Variants in ACO1 observed in about 807,000 individuals in gnomAD.
The protein encoded by ACO1 is cytoplasmic aconitate hydratase.
ACO1 carries 78 observed loss-of-function variants against 105.1 expected under a neutral mutation model. The ratio of observed to expected loss-of-function variants is 0.74; its 90% confidence interval spans 0.62 to 0.90. The LOEUF (loss-of-function observed/expected upper bound fraction) is 0.90, where lower values mean the gene tolerates loss of function less well. ACO1 is among the 40% of genes least tolerant of loss of function. The pLI is 0.00. For missense variants in ACO1, 965 were observed against 1,111.1 expected (o/e 0.87, Z 1.87); for synonymous variants, 364 against 397.4 (o/e 0.92, Z 1.00).
chr9:32,434,495 G>T lies in ACO1; in HGVS notation c.1957-64G>T. 1.9e-6 allele frequency: 3 copies of T among 1,600,524 alleles called. No homozygotes were observed. In the South Asian group the frequency reaches 3.3e-5, roughly 18 times the overall value. On this transcript the variant is annotated intron_variant, in intron 16 of 20. Transcript: ENST00000309951. Reference sequence around the variant, plus strand: ...CAGGTCCATGGGCCACCATCGTAGAGACTGATCTGGTAACTTGTTTGGGAA... The same window carrying T: ...CAGGTCCATGGGCCACCATCGTAGATACTGATCTGGTAACTTGTTTGGGAA...
At chr9:32,419,947 C>A (rs574843016) in intron 7 of ACO1, among the ~76,000 whole-genome samples, 2 of 152,304 alleles carry the variant, frequency 1.3e-5, no homozygotes, top group East Asian at 3.9e-4. Flanking sequence ...CATGGACATG[C>A]TATCGTTAAA....
At chr9:32,427,877 C>T (rs1463624135) in intron 12 of ACO1, among the ~76,000 whole-genome samples, 9 of 152,160 alleles carry the variant, frequency 5.9e-5, no homozygotes, top group Admixed American at 5.9e-4. Flanking sequence ...TTAAAACAAA[C>T]ATATTGTATA....
In ACO1 at chr9:32,384,755, G is replaced by C. The variant is rs1324836915; in HGVS notation, c.-23+20G>C. 1 of 378,678 alleles carries C rather than the reference G, an allele frequency of 2.6e-6. No homozygotes were observed. The allele number at this position is 378,678 out of a possible 1,614,324, so 23.5% of individuals were successfully genotyped here. On this transcript the variant is annotated intron_variant, in intron 1 of 20. Transcript: ENST00000309951. ...TCGGAGGTGAGTACCGACGCGGCCC[G>C]ACCCACGTCCCCAGGCGGGAGCGCC...
rs1463031857 is a variant in ACO1 at position 32,454,758 on chromosome 9, C to G, written c.*4647C>G. On this transcript the variant is annotated 3_prime_UTR_variant, in exon 21 of 21. Transcript: ENST00000309951. ...GCAATGACATTATTCCATTAAAAGTCAAACAAGGAAATGCTAAGTTCTCCT... is the reference window on the plus strand; with the variant it reads ...GCAATGACATTATTCCATTAAAAGTGAAACAAGGAAATGCTAAGTTCTCCT... 6.6e-6 allele frequency: 1 copy of G among 151,382 alleles called. No homozygotes were observed. Among genetic ancestry groups the G allele is most frequent in the Non-Finnish European group, 1.5e-5 (1 of 67,902 alleles). The allele number at this position is 151,382 out of a possible 1,614,324, so 9.4% of individuals were successfully genotyped here. A position where few individuals can be genotyped will look rare whatever the true frequency, so the allele number is the denominator to read the frequency against.
intron 4 of ACO1, among the ~76,000 whole-genome samples, chr9:32,417,327 C>T (rs2118454265): frequency 6.6e-6 from 1 of 152,296 alleles, no homozygotes; most frequent in Non-Finnish European, 1.5e-5. Context: ...TTATCCAGTA[C>T]TTCATTTATT....
chr9:32,402,398 C>G (rs1821517154), intron 1 of ACO1, among the ~76,000 whole-genome samples: 1 of 152,182 alleles, frequency 6.6e-6, no homozygotes, highest in Admixed American at 6.5e-5. Context: ...TCATTCCTAT[C>G]TTTTATTGTT....
intron 19 of ACO1, among the ~76,000 whole-genome samples, chr9:32,442,280 C>A (rs1822498058): frequency 6.6e-6 from 1 of 152,032 alleles, no homozygotes; most frequent in African/African-American, 2.4e-5. Flanking sequence ...AGCCCCCTCC[C>A]ACCCCACGCT....
rs897748630 is a variant in ACO1 at position 32,440,382 on chromosome 9, C to T, written c.2248-83C>T. On this transcript the variant is annotated intron_variant, in intron 18 of 20. Transcript: ENST00000309951. ...TTTGGCCATCTGCAAACCCATCCAG[C>T]CCCGCCCTCACCAGGGCTCAGGGGA... 5.7e-6 allele frequency: 9 copies of T among 1,567,616 alleles called. No individual in the cohort carries two copies. The South Asian group carries it at 1.0e-4, about 18-fold the overall frequency.
Position 32,429,471 on chromosome 9 carries a change from T to C in ACO1, c.1537T>C (p.Leu513=), listed in dbSNP as rs1436566066. 1.9e-6 allele frequency: 3 copies of C among 1,614,220 alleles called. No individual in the cohort carries two copies. In the Admixed American group the frequency reaches 5.0e-5, roughly 27 times the overall value. ...CMTCIGNSGP[L]PEPVVEAITQ... ...GACCTGCATTGGCAACAGTGGGCCT[T>C]TACCTGAACCTGTGGTAGAAGCCAT... Residue 513 remains leucine (L), a synonymous_variant, in exon 13 of 21, where the codon TTA becomes CTA. Coordinates refer to ENST00000309951, the MANE Select transcript of ACO1 (RefSeq NM_002197.3).
At position 32,454,327 on chromosome 9, in the gene ACO1, G is replaced by GTTGT. The variant is rs1303072267; in HGVS notation, c.*4220_*4223dup. On this transcript the variant is annotated 3_prime_UTR_variant, in exon 21 of 21. Coordinates refer to ENST00000309951, the MANE Select transcript of ACO1 (RefSeq NM_002197.3). ...AGAAACATTGAGCTATGGTTGGTCT[G>GTTGT]TTGTTTGAAATTCAAATAATAATGA... The GTTGT allele has an allele frequency of 6.6e-6, 1 of 152,164 alleles. No homozygotes were observed. The highest frequency in any genetic ancestry group is 2.4e-5 in the African/African-American group (1 of 41,434). 9.4% of individuals were successfully genotyped at this position (152,164 alleles called of 1,614,324 possible). A position where few individuals can be genotyped will look rare whatever the true frequency, so the allele number is the denominator to read the frequency against.
At chr9:32,403,331 G>A (rs1821538592) in intron 1 of ACO1, among the ~76,000 whole-genome samples, 1 of 152,230 alleles carries the variant, frequency 6.6e-6, no homozygotes, top group South Asian at 2.1e-4. Flanking sequence ...GCATGTGCTG[G>A]TATAACTAAC....
intron 5 of ACO1, 27 bp from the exon 6 acceptor site, chr9:32,418,301 A>T: frequency 6.2e-7 from 1 of 1,613,730 alleles, no homozygotes; most frequent in African/African-American, 1.3e-5. Context: ...ACGCGTTCAT[A>T]GTGTTCTTTC....
At chr9:32,418,094 C>A in intron 4 of ACO1, 34 bp from the exon 5 acceptor site, 1 of 1,601,944 alleles carries the variant, frequency 6.2e-7, no homozygotes, top group South Asian at 1.1e-5. Flanking sequence ...TGTTAAGTCT[C>A]AAATTGTATA....
chr9:32,427,278 C>T (rs1461206211), intron 11 of ACO1, 23 bp from the exon 12 acceptor site: 1 of 1,613,796 alleles, frequency 6.2e-7, no homozygotes, highest in South Asian at 1.1e-5. Flanking sequence ...TCCCACACTG[C>T]ATCTGTGTTT....
intron 4 of ACO1, among the ~76,000 whole-genome samples, chr9:32,412,164 C>A (rs1821754032): frequency 6.6e-6 from 1 of 152,164 alleles, no homozygotes; most frequent in Admixed American, 6.5e-5. Flanking sequence ...TTACGGTATA[C>A]CCCTGAAGTG....
At chr9:32,427,847 T>A (rs1563941533) in intron 12 of ACO1, among the ~76,000 whole-genome samples, 1 of 152,258 alleles carries the variant, frequency 6.6e-6, no homozygotes, top group African/African-American at 2.4e-5. Context: ...TTGAAACTCT[T>A]GACTCTTAAA....
chr9:32,426,969 A>G (rs1448586137), intron 11 of ACO1, among the ~76,000 whole-genome samples: 1 of 99,028 alleles, frequency 1.0e-5, no homozygotes, highest in Non-Finnish European at 2.1e-5. Flanking sequence ...TAGAAAGATG[A>G]TTTTCCCTCT....
chr9:32,422,999 G>C (rs765785285), intron 8 of ACO1, among the ~76,000 whole-genome samples: 11 of 152,260 alleles, frequency 7.2e-5, no homozygotes, highest in South Asian at 6.2e-4. Context: ...TTCACAATTA[G>C]CTCAGGTGTA....
At chr9:32,395,487 CA>C (rs1475906711) in intron 1 of ACO1, among the ~76,000 whole-genome samples, 1 of 151,926 alleles carries the variant, frequency 6.6e-6, no homozygotes, top group African/African-American at 2.4e-5. Flanking sequence ...AAAAACAAAC[CA>C]AAAAACCAAA....
Sources: gnomAD v4.1 joint callset for allele counts (sites outside exome capture counted in the v4.1 genomes callset) on GRCh38, gnomAD v4.1.1 for gene constraint, MANE v1.5 for transcripts, NCBI Gene and HGNC (gene_info 2026-07-23, HGNC 2026-07-21) for gene names.